DPF3: variants seen among roughly 807,000 people sequenced by gnomAD.
DPF3 encodes the protein zinc finger protein DPF3.
A neutral mutation model predicts 56.8 loss-of-function variants in DPF3; 18 were observed. The ratio of observed to expected loss-of-function variants is 0.32; its 90% CI spans 0.22 to 0.47. The LOEUF is 0.47. Among genes scored for constraint, DPF3 ranks in the 20% least tolerant of loss-of-function variants. The pLI is 1.00. For synonymous variants in DPF3, 188 were observed against 180.2 expected, an observed-to-expected ratio of 1.04 and a Z score of -0.35; for missense variants, 403 against 488.8, an observed-to-expected ratio of 0.82 and a Z score of 1.65.
At position 72,619,340 on chromosome 14, in the gene DPF3, T is replaced by C. The variant is rs901861716; in HGVS notation, c.1094A>G (p.Glu365Gly). 6.5e-7 allele frequency: 1 copy of C among 1,535,992 alleles called. No individual in the cohort carries two copies. Among genetic ancestry groups the C allele is most frequent in the African/African-American group, 1.4e-5 (1 of 73,038 alleles). Residue 365 changes from glutamate to glycine, a missense_variant, in exon 11 of 11, where the codon GAA becomes GGA. Physicochemically the swap from Glu to Gly is moderately conservative, Grantham distance 98. This residue lies in a region of DPF3 where 63 missense variants were observed against 114.4 expected (regional missense o/e 0.55). Transcript: ENST00000556509. ...GGCTGAGGCTTTCTCTTTGAGCAGT[T>C]CCCAGCATAAGTGGCAGCTCCAGCT... ...EGSWSCHLCW[E>G]LLKEKASAFG...
At chr14:72,726,410 G>A (rs1889408004) in intron 4 of DPF3, among the ~76,000 whole-genome samples, 1 of 152,080 alleles carries the variant, frequency 6.6e-6, no homozygotes, top group Non-Finnish European at 1.5e-5. Flanking sequence ...AGTGTCACAT[G>A]GCCTCCATAT....
intron 1 of DPF3, among the ~76,000 whole-genome samples, chr14:72,794,703 C>T (rs1892567615): frequency 1.3e-5 from 2 of 152,192 alleles, no homozygotes; most frequent in Admixed American, 6.5e-5. Context: ...TTTTCTATTG[C>T]TGCTGAGACA....
chr14:72,636,036 A>G (rs937391683), intron 8 of DPF3, among the ~76,000 whole-genome samples: 3 of 152,246 alleles, frequency 2.0e-5, no homozygotes, highest in African/African-American at 7.2e-5. Context: ...TCTCAGGCAA[A>G]GAGAACTTAA....
chr14:72,780,235 C>T (rs972292041), intron 1 of DPF3, among the ~76,000 whole-genome samples: 1 of 152,206 alleles, frequency 6.6e-6, no homozygotes, highest in African/African-American at 2.4e-5. Context: ...CAAGAGCTGG[C>T]TGAAAACTTG....
chr14:72,632,747 G>A (rs999814490), intron 8 of DPF3, among the ~76,000 whole-genome samples: 1 of 138,284 alleles, frequency 7.2e-6, no homozygotes, highest in Non-Finnish European at 1.6e-5. Context: ...AAGGAGGGAA[G>A]GATGGAGGGA....
chr14:72,867,785 C>A (rs1229985721), intron 1 of DPF3, among the ~76,000 whole-genome samples: 2 of 152,316 alleles, frequency 1.3e-5, no homozygotes, highest in African/African-American at 4.8e-5. Context: ...GTTACCCAGG[C>A]TGGAGTGCAG....
intron 1 of DPF3, among the ~76,000 whole-genome samples, chr14:72,790,471 A>G (rs1892383688): frequency 6.6e-6 from 1 of 152,120 alleles, no homozygotes; most frequent in Admixed American, 6.5e-5. Context: ...TGGACACTTT[A>G]TTTTATGCAA....
chr14:72,826,868 C>T (rs930783047), intron 1 of DPF3, among the ~76,000 whole-genome samples: 2 of 151,986 alleles, frequency 1.3e-5, no homozygotes, highest in East Asian at 1.9e-4. Context: ...TGGTGAAACC[C>T]CGTCTCTATT....
intron 1 of DPF3, chr14:72,880,096 A>G: frequency 1.2e-6 from 1 of 819,446 alleles, no homozygotes; most frequent in Non-Finnish European, 1.8e-6. Flanking sequence ...AACTAGCAGA[A>G]CTAAAGGGAT....
chr14:72,680,036 C>A lies in DPF3; in HGVS notation c.743-5668G>T, dbSNP rs1046649392. Among the ~76,000 whole-genome samples, 9 of 151,956 alleles carry A rather than the reference C, an allele frequency of 5.9e-5. No homozygotes were observed. The East Asian group carries it at 1.6e-3, about 26-fold the overall frequency. On this transcript the variant is annotated intron_variant, in intron 7 of 10. Coordinates refer to ENST00000556509, the MANE Select transcript of DPF3 (RefSeq NM_001280542.3). Reference sequence around the variant, plus strand: ...TGAGGGCTGCGGGAGGAGGGAGAGGCGGGCTGGGGAGACAAGGCGCCTGCG... The same window carrying A: ...TGAGGGCTGCGGGAGGAGGGAGAGGAGGGCTGGGGAGACAAGGCGCCTGCG...
intron 1 of DPF3, among the ~76,000 whole-genome samples, chr14:72,807,074 C>T (rs1053942451): frequency 1.3e-5 from 2 of 152,282 alleles, no homozygotes; most frequent in East Asian, 1.9e-4. Context: ...TTTCTCTCAC[C>T]TTGGGTACTG....
chr14:72,865,666 G>A (rs1199720494), intron 1 of DPF3, among the ~76,000 whole-genome samples: 1 of 152,226 alleles, frequency 6.6e-6, no homozygotes, highest in Non-Finnish European at 1.5e-5. Context: ...AAACCACAGG[G>A]GGGTAAGGAG....
chr14:72,893,926 G>C (rs1886880595), intron 1 of DPF3, 131 bp downstream of exon 1: 7 of 995,692 alleles, frequency 7.0e-6, no homozygotes, highest in Non-Finnish European at 1.1e-5. Context: ...AGAGCTGAAA[G>C]AAGAGAGAAG....
At chr14:72,667,720 A>G (rs907712939) in intron 8 of DPF3, among the ~76,000 whole-genome samples, 1 of 152,226 alleles carries the variant, frequency 6.6e-6, no homozygotes, top group Admixed American at 6.5e-5. Context: ...TCTCTTTTAC[A>G]GGATCTAATT....
intron 8 of DPF3, among the ~76,000 whole-genome samples, chr14:72,640,631 G>A (rs755780798): frequency 3.3e-5 from 5 of 152,144 alleles, no homozygotes; most frequent in Non-Finnish European, 5.9e-5. Flanking sequence ...GTGAGGAAGA[G>A]GCAGAAGTAA....
In DPF3 at chr14:72,804,646, G is replaced by A. The variant is rs374549784; in HGVS notation, c.33-32753C>T. Among the ~76,000 whole-genome samples the A allele has an allele frequency of 3.5e-4, 54 of 152,256 alleles. 1 individual carries two copies. The highest frequency in any genetic ancestry group is 1.3e-3 in the African/African-American group (54 of 41,546). On this transcript the variant is annotated intron_variant, in intron 1 of 10. Transcript: ENST00000556509. ...TTTTGTTTTTTTTCCCAATAAGGAG[G>A]CAGAAAGTAGAGGAGGTCGTGAGCA...
At chr14:72,716,638 A>G (rs1186771001) in intron 5 of DPF3, among the ~76,000 whole-genome samples, 1 of 152,136 alleles carries the variant, frequency 6.6e-6, no homozygotes, top group Non-Finnish European at 1.5e-5. Flanking sequence ...GGTGGAGACC[A>G]TGTTTATTTT....
chr14:72,628,636 AAGAG>A (rs148707360), intron 9 of DPF3, among the ~76,000 whole-genome samples: 18 of 149,580 alleles, frequency 1.2e-4, no homozygotes, highest in South Asian at 2.1e-4. Context: ...GTCTTGCCAA[AAGAG>A]AGAGAGAGAG....
intron 9 of DPF3, among the ~76,000 whole-genome samples, chr14:72,620,866 C>T (rs11623878): frequency 0.074 from 11,206 of 152,246 alleles, 515 homozygotes; most frequent in Non-Finnish European, 0.099. Flanking sequence ...CTTGGCTGGG[C>T]GCTGTGGCGC....
Sources: gnomAD v4.1 joint callset for allele counts (sites outside exome capture counted in the v4.1 genomes callset) on GRCh38, gnomAD v4.1.1 for gene constraint, gnomAD v4.1.1 regional missense constraint, MANE v1.5 for transcripts, NCBI Gene and HGNC (gene_info 2026-07-23, HGNC 2026-07-21) for gene names.